Variants in DGKG observed in about 807,000 individuals in gnomAD.
DGKG encodes diacylglycerol kinase gamma.
Under a neutral mutation model 105.3 loss-of-function variants are expected in DGKG, and 78 were observed. The observed-to-expected ratio is 0.74, with a 90% confidence interval of 0.62 to 0.89. The LOEUF is 0.89. Ranked by LOEUF, DGKG falls within the 40% of genes least tolerant of loss-of-function variation. DGKG has a pLI of 0.00. For synonymous variants in DGKG, 346 were observed against 367.1 expected, an observed-to-expected ratio of 0.94 and a Z score of 0.66; for missense variants, 958 against 1,020.1, an observed-to-expected ratio of 0.94 and a Z score of 0.83.
intron 13 of DGKG, among the ~76,000 whole-genome samples, chr3:186,266,872 C>T (rs1722079349): frequency 6.6e-6 from 1 of 152,320 alleles, no homozygotes; most frequent in Middle Eastern, 3.4e-3. Flanking sequence ...GCCGGGATTA[C>T]AGGCATGAGC....
chr3:186,170,682 G>A (rs1716774755), intron 22 of DGKG, among the ~76,000 whole-genome samples: 1 of 152,174 alleles, frequency 6.6e-6, no homozygotes, highest in African/African-American at 2.4e-5. Flanking sequence ...ATGTGAAAGT[G>A]GCTGGCACAG....
In DGKG at chr3:186,147,439, G is replaced by A. The variant is rs1037619803; in HGVS notation, c.*2651C>T. ...AGGTTGCTATGAGGGTCACTATGAT[G>A]AGGGACTCCACCACAAGAAACCACA... On this transcript the variant is annotated 3_prime_UTR_variant, in exon 25 of 25. Coordinates refer to ENST00000265022, the MANE Select transcript of DGKG (RefSeq NM_001346.3). 7.9e-5 allele frequency: 78 copies of A among 984,524 alleles called. No homozygotes were observed. The highest frequency in any genetic ancestry group is 9.2e-5 in the Non-Finnish European group (76 of 829,128). 61.0% of individuals were successfully genotyped at this position (984,524 alleles called of 1,614,324 possible).
At chr3:186,155,183 T>G (rs1578597334) in intron 24 of DGKG, among the ~76,000 whole-genome samples, 1 of 152,140 alleles carries the variant, frequency 6.6e-6, no homozygotes, top group Non-Finnish European at 1.5e-5. Flanking sequence ...ATTTTGGTTT[T>G]GTTTTGTTTT....
chr3:186,275,609 G>A lies in DGKG; in HGVS notation c.848C>T (p.Thr283Ile), dbSNP rs1188562839. 6.2e-7 allele frequency: 1 copy of A among 1,614,120 alleles called. No homozygotes were observed. Among genetic ancestry groups the A allele is most frequent in the African/African-American group, 1.3e-5 (1 of 74,946 alleles). ...AWTMKHFKKPTYCNFCHIMLM... is the reference protein window; with the variant it reads ...AWTMKHFKKPIYCNFCHIMLM... ...CATGATATGGCAGAAGTTGCAGTAGGTTGGTTTCTTGAAGTGCTTCATGGT... is the reference window on the plus strand; with the variant it reads ...CATGATATGGCAGAAGTTGCAGTAGATTGGTTTCTTGAAGTGCTTCATGGT... The change falls in exon 10 of 25, where the codon ACC (threonine) becomes ATC (isoleucine). Residue 283 changes from threonine to isoleucine, a missense_variant. Transcript: ENST00000265022.
chr3:186,353,221 C>G (rs143568959), intron 1 of DGKG, among the ~76,000 whole-genome samples: 29 of 152,236 alleles, frequency 1.9e-4, no homozygotes, highest in Middle Eastern at 3.4e-3. Flanking sequence ...TTTCCTGACT[C>G]TCATCTAAAG....
At chr3:186,222,205 T>C (rs1719617711) in intron 20 of DGKG, among the ~76,000 whole-genome samples, 2 of 152,174 alleles carry the variant, frequency 1.3e-5, no homozygotes, top group African/African-American at 2.4e-5. Context: ...TGCTTTATGA[T>C]AGGTCGGGTT....
At chr3:186,267,935 C>CGTGTGT (rs576440368) in intron 12 of DGKG, among the ~76,000 whole-genome samples, 158 bp from the exon 13 acceptor site, 1 of 151,462 alleles carries the variant, frequency 6.6e-6, no homozygotes, top group Non-Finnish European at 1.5e-5. Context: ...TGTGTGTGCA[C>CGTGTGT]GTGTGTGTGT....
chr3:186,277,211 G>T (rs1265546341), intron 9 of DGKG, among the ~76,000 whole-genome samples: 2 of 152,224 alleles, frequency 1.3e-5, no homozygotes, highest in East Asian at 3.8e-4. Flanking sequence ...ATGACATCAT[G>T]TAAGTAAAGC....
intron 21 of DGKG, among the ~76,000 whole-genome samples, chr3:186,200,258 C>T (rs1164297174): frequency 1.3e-5 from 2 of 152,076 alleles, no homozygotes; most frequent in East Asian, 3.9e-4. Context: ...GCTCTGTGTG[C>T]CCCTAGAGGG....
rs753351238 is a variant in DGKG, at chr3:186,211,841, G to C, written c.1871C>G (p.Thr624Ser). ...LWYFEFGTSE[T>S]FAATCKKLHD... ...GAGTTTCTTGCAGGTCGCTGCAAAA[G>C]TCTCCGAGGTGCCAAATTCAAAGTA... The change falls in exon 21 of 25, where the codon ACT becomes AGT. Residue 624 changes from threonine to serine, a missense_variant. By Grantham distance (58) the Thr-to-Ser change is moderately conservative. Transcript: ENST00000265022. The C allele has an allele frequency of 1.9e-6, 3 of 1,614,214 alleles. No individual in the cohort carries two copies. The highest frequency in any genetic ancestry group is 1.6e-4 in the Middle Eastern group (1 of 6,062).
chr3:186,200,213 T>C (rs1191943882), intron 21 of DGKG, among the ~76,000 whole-genome samples: 4 of 152,130 alleles, frequency 2.6e-5, no homozygotes, highest in Non-Finnish European at 5.9e-5. Context: ...TCTCCAGCCC[T>C]ATGAAAGGCA....
At chr3:186,160,129 TG>T in intron 24 of DGKG, 1 of 921,504 alleles carries the variant, frequency 1.1e-6, no homozygotes, top group Non-Finnish European at 1.3e-6. Flanking sequence ...TACGGATTTC[TG>T]GGCCTCACAC....
rs762799653 is a variant in DGKG, at chr3:186,275,537, A to G, written c.910+10T>C. 1 of 1,611,922 alleles carries G rather than the reference A, an allele frequency of 6.2e-7. No homozygotes were observed. Among genetic ancestry groups the G allele is most frequent in the Non-Finnish European group, 8.5e-7 (1 of 1,177,984 alleles). The stretch of plus-strand genomic sequence containing the variant: ...GCCTGGGGGAAGAGGTTTGAAGGAA[A>G]TTTACTCACAAGTGCAGCACAGGCC... On this transcript the variant is annotated intron_variant, in intron 10 of 24. Transcript: ENST00000265022.
At chr3:186,275,495 G>T (rs1255244987) in intron 10 of DGKG, 52 bp downstream of exon 10, 2 of 1,471,592 alleles carry the variant, frequency 1.4e-6, no homozygotes, top group Non-Finnish European at 1.9e-6. Context: ...AACCAACCAT[G>T]CGCAGAGCAA....
At chr3:186,351,782 G>A (rs939350120) in intron 1 of DGKG, among the ~76,000 whole-genome samples, 15 of 152,334 alleles carry the variant, frequency 9.8e-5, no homozygotes, top group African/African-American at 3.1e-4. Context: ...GGGACAACAC[G>A]CAAGCAAGAC....
intron 24 of DGKG, chr3:186,160,532 T>C (rs1390214048): frequency 1.0e-6 from 1 of 985,330 alleles, no homozygotes. Flanking sequence ...CAGAGAAATT[T>C]CTGTTTTTGA....
rs1425720108 is a variant in DGKG, at chr3:186,148,234, C to A, written c.*1856G>T. Reference sequence around the variant, plus strand: ...AAGCCCACTGAGCTCTGCTGAGACCCCTCTGTCCTGGCTGGCAGTATCTTG... The same window carrying A: ...AAGCCCACTGAGCTCTGCTGAGACCACTCTGTCCTGGCTGGCAGTATCTTG... On this transcript the variant is annotated 3_prime_UTR_variant, in exon 25 of 25. Coordinates refer to ENST00000265022, the MANE Select transcript of DGKG (RefSeq NM_001346.3). 1 of 985,366 alleles carries A rather than the reference C, an allele frequency of 1.0e-6. No homozygotes were observed. The highest frequency in any genetic ancestry group is 1.2e-6 in the Non-Finnish European group (1 of 829,976). 61.0% of individuals were successfully genotyped at this position (985,366 alleles called of 1,614,324 possible).
chr3:186,298,640 T>C (rs1723716636), intron 3 of DGKG, among the ~76,000 whole-genome samples: 1 of 152,218 alleles, frequency 6.6e-6, no homozygotes, highest in African/African-American at 2.4e-5. Context: ...GGACAAGATC[T>C]GTGCCCTAGA....
intron 10 of DGKG, among the ~76,000 whole-genome samples, chr3:186,273,367 CTTTTTTTTTTTT>C (rs375667915): frequency 2.1e-3 from 181 of 85,638 alleles, no homozygotes; most frequent in African/African-American, 6.6e-3. Context: ...TGTTGTACCC[CTTTTTTTTTTTT>C]TTTTTTTTTT....
Sources: allele counts gnomAD v4.1 joint callset (sites outside exome capture counted in the v4.1 genomes callset), GRCh38; gene constraint gnomAD v4.1.1; transcripts MANE v1.5; gene names NCBI Gene and HGNC (gene_info 2026-07-23, HGNC 2026-07-21).